Variants in PRH1 observed in about 807,000 individuals in gnomAD.
PRH1 encodes the protein proline rich protein HaeIII subfamily 1, also known as salivary acidic proline-rich phosphoprotein 1/2.
A neutral mutation model predicts 7.9 loss-of-function variants in PRH1; 7 were observed. The ratio of observed to expected loss-of-function variants is 0.89; its 90% confidence interval spans 0.50 to 1.67. PRH1 has a LOEUF of 1.67. PRH1 is among the 40% of genes most tolerant of loss of function. The probability of loss-of-function intolerance (pLI) is 0.00; values close to 1 mark genes in which losing one functional copy is unlikely to be tolerated. For synonymous variants in PRH1, 45 were observed against 80.8 expected (o/e 0.56, Z 2.38); for missense variants, 109 against 223.6 (o/e 0.49, Z 3.27).
chr12:11,022,860 A>G (rs1404283323), intron 1 of PRH1, among the ~76,000 whole-genome samples: 1 of 117,814 alleles, frequency 8.5e-6, no homozygotes, highest in Non-Finnish European at 2.0e-5. Context: ...CTGAGGTTGA[A>G]GTGGAAAATG....
At chr12:10,965,362 G>A in intron 2 of PRH1, 1 of 1,096,152 alleles carries the variant, frequency 9.1e-7, no homozygotes, top group Non-Finnish European at 1.3e-6. Context: ...TGTCTGAACA[G>A]ACAAAAAGAT....
intron 1 of PRH1, among the ~76,000 whole-genome samples, chr12:11,139,026 C>T (rs2067272655): frequency 6.6e-6 from 1 of 152,180 alleles, no homozygotes; most frequent in South Asian, 2.1e-4. Context: ...GACAACAGAG[C>T]AAGACCCTGT....
intron 1 of PRH1, among the ~76,000 whole-genome samples, chr12:11,019,182 T>A (rs1941456904): frequency 6.6e-6 from 1 of 152,404 alleles, no homozygotes; most frequent in East Asian, 1.9e-4. Flanking sequence ...CATTCTCCCT[T>A]TTCTCTCTTC....
upstream of PRH1, among the ~76,000 whole-genome samples, chr12:10,884,506 G>T (rs1027526954): frequency 6.6e-6 from 1 of 152,134 alleles, no homozygotes; most frequent in Admixed American, 6.5e-5. Context: ...CCAAGCAGTC[G>T]GCACAGTGTC....
chr12:11,106,262 A>G (rs1422350087), intron 1 of PRH1, among the ~76,000 whole-genome samples: 1 of 152,196 alleles, frequency 6.6e-6, no homozygotes, highest in Non-Finnish European at 1.5e-5. Context: ...TAAGAAGCTC[A>G]TTAATACAAA....
chr12:11,132,918 A>G (rs1370559320), intron 1 of PRH1: 6 of 186,776 alleles, frequency 3.2e-5, no homozygotes, highest in Admixed American at 5.8e-5. Flanking sequence ...ACAATAGAAA[A>G]GAGCAATATT....
intron 1 of PRH1, among the ~76,000 whole-genome samples, chr12:11,104,896 T>TC (rs1945365410): frequency 1.3e-5 from 2 of 152,110 alleles, no homozygotes; most frequent in Admixed American, 6.5e-5. Context: ...CCTTTTCTAT[T>TC]CTTATTCAGA....
chr12:11,120,651 G>GT (rs35216470), downstream of PRH1, among the ~76,000 whole-genome samples: 4,741 of 149,218 alleles, frequency 0.032, 90 homozygotes, highest in African/African-American at 0.048. Context: ...TCAGATGGCT[G>GT]TTTTTTTTTT....
intron 2 of PRH1, among the ~76,000 whole-genome samples, chr12:10,900,841 G>A (rs1382888870): frequency 6.6e-6 from 1 of 151,874 alleles, no homozygotes; most frequent in Non-Finnish European, 1.5e-5. Flanking sequence ...TCTGCTTCAT[G>A]CCTAGGCAGA....
chr12:11,160,381 G>A (rs1001138173), intron 1 of PRH1, among the ~76,000 whole-genome samples: 2 of 152,156 alleles, frequency 1.3e-5, no homozygotes, highest in Admixed American at 6.5e-5. Flanking sequence ...AATTAAAGAC[G>A]AGGAAGATAC....
At chr12:10,986,117 C>T (rs768600803) in intron 1 of PRH1, 36 of 1,613,846 alleles carry the variant, frequency 2.2e-5, no homozygotes, top group East Asian at 6.7e-5. Context: ...GACTCCAAAC[C>T]GAAACGATTA....
At position 10,905,404 on chromosome 12, in the gene PRH1, T is replaced by C. The variant is rs557883700; in HGVS notation, c.-58-21129A>G. ...ATTACAGGCCAGGCACAGTGGCTCATGCCTGTAATCCCAGCACTTTGGGAG... is the reference window on the plus strand; with the variant it reads ...ATTACAGGCCAGGCACAGTGGCTCACGCCTGTAATCCCAGCACTTTGGGAG... On this transcript the variant is annotated intron_variant, in intron 2 of 3. Transcript: ENST00000539853. Among the ~76,000 whole-genome samples the C allele has an allele frequency of 2.0e-5, 3 of 152,216 alleles. No homozygotes were observed. The East Asian group carries it at 5.8e-4, about 29-fold the overall frequency.
intron 2 of PRH1, among the ~76,000 whole-genome samples, chr12:10,918,854 A>G (rs2135843411): frequency 6.6e-6 from 1 of 152,284 alleles, no homozygotes; most frequent in East Asian, 1.9e-4. Context: ...TCTTTTTTAT[A>G]AAACAGTAAA....
intron 1 of PRH1, among the ~76,000 whole-genome samples, chr12:11,040,416 G>A (rs1001264466): frequency 2.6e-5 from 4 of 152,070 alleles, no homozygotes; most frequent in African/African-American, 9.7e-5. Context: ...TCCTTTGCAG[G>A]GACATGGATG....
intron 2 of PRH1, among the ~76,000 whole-genome samples, chr12:10,922,839 T>TTTTTTTTTTA (rs1950068130): frequency 7.8e-6 from 1 of 127,696 alleles, no homozygotes; most frequent in African/African-American, 2.6e-5. Flanking sequence ...TTCTTTTTTT[T>TTTTTTTTTTA]GAGACGGAGT....
chr12:11,004,429 C>T (rs1345261478), intron 1 of PRH1, among the ~76,000 whole-genome samples: 1 of 152,024 alleles, frequency 6.6e-6, no homozygotes, highest in East Asian at 1.9e-4. Flanking sequence ...TTGAGTGAAC[C>T]CGGAGGCGGA....
intron 1 of PRH1, among the ~76,000 whole-genome samples, chr12:11,101,668 G>A (rs1489015679): frequency 6.6e-6 from 1 of 151,948 alleles, no homozygotes; most frequent in Non-Finnish European, 1.5e-5. Context: ...TTTTATTGTG[G>A]AGCAAAACAT....
At chr12:10,916,186 A>T (rs1052500673) in intron 2 of PRH1, among the ~76,000 whole-genome samples, 34 of 152,266 alleles carry the variant, frequency 2.2e-4, no homozygotes, top group African/African-American at 7.9e-4. Flanking sequence ...ATCTCATGAG[A>T]ATTACTTATT....
chr12:11,040,784 A>T (rs995144970), intron 1 of PRH1, among the ~76,000 whole-genome samples: 25 of 152,224 alleles, frequency 1.6e-4, no homozygotes, highest in Non-Finnish European at 1.5e-5. Flanking sequence ...ACAAAAAGTT[A>T]AAACCTGAGA....
Sources: allele counts gnomAD v4.1 joint callset (sites outside exome capture counted in the v4.1 genomes callset), GRCh38; gene constraint gnomAD v4.1.1; transcripts MANE v1.5; gene names NCBI Gene and HGNC (gene_info 2026-07-23, HGNC 2026-07-21).